ADCY2: variants seen among roughly 807,000 people sequenced by gnomAD.
ADCY2 encodes the protein adenylate cyclase 2, also known as adenylate cyclase type 2.
Under a neutral mutation model 125.2 loss-of-function variants are expected in ADCY2, and 31 were observed. The ratio of observed to expected loss-of-function variants is 0.25; its 90% CI spans 0.19 to 0.33. ADCY2 has a LOEUF of 0.33. Ranked by LOEUF, ADCY2 falls within the 10% of genes least tolerant of loss-of-function variation. ADCY2 has a pLI of 1.00. For missense variants in ADCY2, 904 were observed against 1,418.2 expected (o/e 0.64, Z 5.82); for synonymous variants, 512 against 548.4 (o/e 0.93, Z 0.93).
intron 13 of ADCY2, among the ~76,000 whole-genome samples, chr5:7,726,101 C>G (rs762377381): frequency 6.6e-6 from 1 of 152,184 alleles, no homozygotes; most frequent in African/African-American, 2.4e-5. Flanking sequence ...AGGCTAAAAT[C>G]CCAGAAATAC....
chr5:7,428,921 G>A (rs1740487758), intron 2 of ADCY2, among the ~76,000 whole-genome samples: 1 of 152,138 alleles, frequency 6.6e-6, no homozygotes, highest in Admixed American at 6.5e-5. Context: ...CCAGCTAATT[G>A]CACTGAGTTG....
At chr5:7,427,545 C>T (rs1740430841) in intron 2 of ADCY2, among the ~76,000 whole-genome samples, 1 of 152,248 alleles carries the variant, frequency 6.6e-6, no homozygotes, top group Middle Eastern at 3.4e-3. Context: ...CACTCACTTC[C>T]CATCAGGTCC....
At chr5:7,597,194 T>C (rs775397717) in intron 3 of ADCY2, among the ~76,000 whole-genome samples, 3 of 152,264 alleles carry the variant, frequency 2.0e-5, no homozygotes, top group Non-Finnish European at 4.4e-5. Context: ...TTCTGGCTTA[T>C]GCCTGAAGGC....
intron 9 of ADCY2, among the ~76,000 whole-genome samples, chr5:7,708,706 A>T (rs944609043): frequency 6.6e-6 from 1 of 152,166 alleles, no homozygotes; most frequent in African/African-American, 2.4e-5. Flanking sequence ...TTTGAAGACA[A>T]ACTTTCAACT....
At chr5:7,503,559 C>A (rs963691029) in intron 2 of ADCY2, among the ~76,000 whole-genome samples, 2 of 152,158 alleles carry the variant, frequency 1.3e-5, no homozygotes, top group East Asian at 1.9e-4. Flanking sequence ...CAGGTTTTGA[C>A]CCACATGCTG....
intron 3 of ADCY2, among the ~76,000 whole-genome samples, chr5:7,534,958 C>G (rs2126551549): frequency 6.6e-6 from 1 of 152,306 alleles, no homozygotes; most frequent in East Asian, 1.9e-4. Flanking sequence ...CTATGTGTTT[C>G]CCACCTCTCC....
At chr5:7,497,707 C>A (rs1490124634) in intron 2 of ADCY2, among the ~76,000 whole-genome samples, 3 of 152,068 alleles carry the variant, frequency 2.0e-5, no homozygotes, top group Admixed American at 6.5e-5. Context: ...GGAAACCATG[C>A]CCAGGTGGAA....
chr5:7,547,238 TG>T (rs1332044501), intron 3 of ADCY2, among the ~76,000 whole-genome samples: 1 of 152,202 alleles, frequency 6.6e-6, no homozygotes, highest in Non-Finnish European at 1.5e-5. Context: ...CTATGGTGCC[TG>T]GGCTTCAATA....
chr5:7,669,269 G>A (rs73035903), intron 4 of ADCY2, among the ~76,000 whole-genome samples: 2,202 of 152,286 alleles, frequency 0.014, 54 homozygotes, highest in African/African-American at 0.049. Flanking sequence ...TACCTGGGTC[G>A]AAGGGTGGTG....
At chr5:7,742,362 A>G (rs775339348) in intron 14 of ADCY2, among the ~76,000 whole-genome samples, 25 of 152,092 alleles carry the variant, frequency 1.6e-4, no homozygotes, top group Non-Finnish European at 2.9e-4. Context: ...CTAGTCAACA[A>G]TCTAGGTGTA....
At chr5:7,410,752 G>T (rs1739676571) in intron 1 of ADCY2, among the ~76,000 whole-genome samples, 1 of 152,068 alleles carries the variant, frequency 6.6e-6, no homozygotes, top group Non-Finnish European at 1.5e-5. Context: ...TCCACAAAGG[G>T]AGGAGGGGTG....
intron 18 of ADCY2, among the ~76,000 whole-genome samples, chr5:7,783,269 T>G (rs922974637): frequency 1.4e-4 from 21 of 152,184 alleles, no homozygotes; most frequent in Non-Finnish European, 2.8e-4. Flanking sequence ...ATCACAAGTA[T>G]CATTTGGAAA....
chr5:7,456,378 C>T (rs1042146108), intron 2 of ADCY2, among the ~76,000 whole-genome samples: 20 of 151,946 alleles, frequency 1.3e-4, no homozygotes, highest in Admixed American at 8.5e-4. Context: ...GCTTCCTGTG[C>T]CTCAAAAAAA....
intron 3 of ADCY2, among the ~76,000 whole-genome samples, chr5:7,527,869 G>A (rs17827116): frequency 0.083 from 12,672 of 152,206 alleles, 746 homozygotes; most frequent in Non-Finnish European, 0.13. Context: ...AATCTGAGAA[G>A]CTCAAAGGAA....
At chr5:7,422,280 A>G (rs944422296) in intron 2 of ADCY2, among the ~76,000 whole-genome samples, 5 of 152,134 alleles carry the variant, frequency 3.3e-5, no homozygotes, top group Admixed American at 1.3e-4. Context: ...GCCGCAAGCA[A>G]TCTTCCTGCC....
At chr5:7,551,429 C>A (rs894897043) in intron 3 of ADCY2, among the ~76,000 whole-genome samples, 1 of 152,154 alleles carries the variant, frequency 6.6e-6, no homozygotes, top group African/African-American at 2.4e-5. Flanking sequence ...GTCTCCATTG[C>A]AGGGAAGCGT....
At chr5:7,535,290 G>A (rs13179602) in intron 3 of ADCY2, among the ~76,000 whole-genome samples, 57,487 of 152,090 alleles carry the variant, frequency 0.38, 12,208 homozygotes, top group Non-Finnish European at 0.47. Context: ...TGATACACCC[G>A]CCTTGGCCTC....
intron 13 of ADCY2, 140 bp from the exon 14 acceptor site, chr5:7,727,022 GCT>G: frequency 1.6e-6 from 1 of 615,868 alleles, no homozygotes; most frequent in Admixed American, 3.1e-5. Context: ...AGATGAACAG[GCT>G]TTCTCCTTAG....
chr5:7,448,001 G>C (rs925309280), intron 2 of ADCY2, among the ~76,000 whole-genome samples: 1 of 152,168 alleles, frequency 6.6e-6, no homozygotes, highest in African/African-American at 2.4e-5. Context: ...GGTGACCAGA[G>C]GGTGTCCCTT....
Sources: allele counts gnomAD v4.1 joint callset (sites outside exome capture counted in the v4.1 genomes callset), GRCh38; gene constraint gnomAD v4.1.1; transcripts MANE v1.5; gene names NCBI Gene and HGNC (gene_info 2026-07-23, HGNC 2026-07-21).